CNTNAP2: variants seen among roughly 807,000 people sequenced by gnomAD.
The protein encoded by CNTNAP2 is contactin-associated protein-like 2.
Under a neutral mutation model 155.2 loss-of-function variants are expected in CNTNAP2, and 98 were observed. The observed-to-expected ratio is 0.63, with a 90% CI of 0.54 to 0.75. The LOEUF (loss-of-function observed/expected upper bound fraction) is 0.75. CNTNAP2 is among the 30% of genes least tolerant of loss of function. CNTNAP2 has a pLI of 0.00. For missense variants in CNTNAP2, 1,727 were observed against 1,688.1 expected (o/e 1.02, Z -0.40); for synonymous variants, 651 against 631.2 (o/e 1.03, Z -0.47).
chr7:146,461,020 T>C (rs962354897), intron 1 of CNTNAP2, among the ~76,000 whole-genome samples: 1 of 152,170 alleles, frequency 6.6e-6, no homozygotes. Context: ...GATATGTTAC[T>C]TGGGTGGACT....
At chr7:147,772,310 G>A (rs974930005) in intron 13 of CNTNAP2, among the ~76,000 whole-genome samples, 55 of 150,294 alleles carry the variant, frequency 3.7e-4, no homozygotes, top group South Asian at 2.1e-4. Context: ...CCAGCTACTC[G>A]GGAGGCTGAG....
In CNTNAP2 at chr7:147,387,792, G is replaced by A. The variant is rs955954977; in HGVS notation, c.1499-7817G>A. Among the ~76,000 whole-genome samples the A allele has an allele frequency of 4.6e-5, 7 of 152,050 alleles. No individual in the cohort carries two copies. The East Asian group carries it at 5.8e-4, about 13-fold the overall frequency. On this transcript the variant is annotated intron_variant, in intron 9 of 23. Coordinates refer to ENST00000361727, the MANE Select transcript of CNTNAP2 (RefSeq NM_014141.6). Reference sequence around the variant, plus strand: ...ATTGTGCTATCATATAGTAGGTCTCGTTCATTAGATGGGGGTGGTTTATGA... The same window carrying A: ...ATTGTGCTATCATATAGTAGGTCTCATTCATTAGATGGGGGTGGTTTATGA...
intron 13 of CNTNAP2, among the ~76,000 whole-genome samples, chr7:147,640,298 T>C (rs1252916172): frequency 6.6e-6 from 1 of 152,148 alleles, no homozygotes; most frequent in Non-Finnish European, 1.5e-5. Context: ...TACATTGCTA[T>C]TAACCGTAGT....
intron 8 of CNTNAP2, among the ~76,000 whole-genome samples, chr7:147,273,812 A>C (rs868272861): frequency 1.8e-4 from 27 of 147,172 alleles, no homozygotes; most frequent in African/African-American, 6.1e-4. Flanking sequence ...ATATCTATAC[A>C]TATATATTTT....
chr7:148,055,140 T>C (rs1249756324), intron 15 of CNTNAP2, among the ~76,000 whole-genome samples: 1 of 152,136 alleles, frequency 6.6e-6, no homozygotes, highest in Non-Finnish European at 1.5e-5. Context: ...TGCCTCGGCC[T>C]CCCAAAGTGC....
At chr7:147,545,809 G>A (rs1389468960) in intron 11 of CNTNAP2, among the ~76,000 whole-genome samples, 1 of 152,102 alleles carries the variant, frequency 6.6e-6, no homozygotes, top group Non-Finnish European at 1.5e-5. Context: ...ACCTTAAATT[G>A]TAGCTCCCAT....
At chr7:146,547,825 G>C (rs752236467) in intron 1 of CNTNAP2, among the ~76,000 whole-genome samples, 1 of 144,146 alleles carries the variant, frequency 6.9e-6, no homozygotes, top group Non-Finnish European at 1.5e-5. Flanking sequence ...AAATGCTCAC[G>C]GTGGAATTAC....
chr7:147,526,912 G>A (rs1330057753), intron 11 of CNTNAP2, among the ~76,000 whole-genome samples: 2 of 147,332 alleles, frequency 1.4e-5, no homozygotes, highest in African/African-American at 2.5e-5. Flanking sequence ...CACGGATTAA[G>A]TTTTTCTGTC....
At chr7:146,706,046 GT>G (rs1017507050) in intron 1 of CNTNAP2, among the ~76,000 whole-genome samples, 9 of 152,074 alleles carry the variant, frequency 5.9e-5, no homozygotes, top group Non-Finnish European at 1.2e-4. Context: ...TGGATGTCTT[GT>G]GCATTGTAGG....
intron 13 of CNTNAP2, among the ~76,000 whole-genome samples, chr7:147,655,360 T>C (rs1795510131): frequency 1.3e-5 from 2 of 152,134 alleles, no homozygotes; most frequent in South Asian, 4.1e-4. Context: ...TGACCTCAGG[T>C]GATCCGCCCA....
At chr7:147,789,480 T>C (rs1445619713) in intron 13 of CNTNAP2, among the ~76,000 whole-genome samples, 1 of 152,212 alleles carries the variant, frequency 6.6e-6, no homozygotes, top group Non-Finnish European at 1.5e-5. Context: ...TACCCATGAC[T>C]CCTCTGCTTT....
intron 21 of CNTNAP2, among the ~76,000 whole-genome samples, chr7:148,287,789 T>TTC (rs1485098983): frequency 5.5e-5 from 1 of 18,066 alleles, no homozygotes; most frequent in Non-Finnish European, 1.1e-4. Context: ...CTTTCTTTCT[T>TTC]TTTTTCTTTT....
chr7:147,092,656 A>C (rs1247791230), intron 4 of CNTNAP2, among the ~76,000 whole-genome samples: 1 of 152,210 alleles, frequency 6.6e-6, no homozygotes, highest in Non-Finnish European at 1.5e-5. Flanking sequence ...CAATCATCAA[A>C]TAGCTTTAAA....
intron 8 of CNTNAP2, among the ~76,000 whole-genome samples, chr7:147,197,027 A>G (rs1392197141): frequency 2.0e-5 from 3 of 152,184 alleles, no homozygotes; most frequent in Admixed American, 2.0e-4. Context: ...ACACCTAAGT[A>G]ACAAAAGGAC....
intron 3 of CNTNAP2, among the ~76,000 whole-genome samples, chr7:146,947,282 T>C (rs993926435): frequency 6.6e-6 from 1 of 151,306 alleles, no homozygotes; most frequent in African/African-American, 2.4e-5. Context: ...TTAAATTTTT[T>C]TCTCCAGCTT....
At chr7:146,638,037 A>ATGC (rs1799628286) in intron 1 of CNTNAP2, among the ~76,000 whole-genome samples, 1 of 152,196 alleles carries the variant, frequency 6.6e-6, no homozygotes, top group African/African-American at 2.4e-5. Flanking sequence ...GCAGTAACCC[A>ATGC]TGCTGTGTAG....
intron 2 of CNTNAP2, among the ~76,000 whole-genome samples, chr7:146,775,027 T>C (rs1802364314): frequency 6.6e-6 from 1 of 152,198 alleles, no homozygotes; most frequent in South Asian, 2.1e-4. Context: ...GGAACACTGG[T>C]ACAAACATCA....
chr7:146,969,640 C>CT (rs71165055), intron 3 of CNTNAP2, among the ~76,000 whole-genome samples: 1,747 of 151,626 alleles, frequency 0.012, 36 homozygotes, highest in African/African-American at 0.04. Flanking sequence ...CAACCCCTGC[C>CT]TTTTTTTTGG....
chr7:146,465,892 G>C (rs192809982), intron 1 of CNTNAP2, among the ~76,000 whole-genome samples: 33 of 152,084 alleles, frequency 2.2e-4, no homozygotes, highest in Non-Finnish European at 4.3e-4. Context: ...TCACATATAC[G>C]GTGTATGAAA....
Sources: gnomAD v4.1 joint callset for allele counts (sites outside exome capture counted in the v4.1 genomes callset) on GRCh38, gnomAD v4.1.1 for gene constraint, MANE v1.5 for transcripts, NCBI Gene and HGNC (gene_info 2026-07-23, HGNC 2026-07-21) for gene names.